ARHGAP35: variants seen among roughly 807,000 people sequenced by gnomAD.
ARHGAP35 encodes Rho GTPase activating protein 35.
A neutral mutation model predicts 111.1 loss-of-function variants in ARHGAP35; 15 were observed. The ratio of observed to expected loss-of-function variants is 0.13; its 90% CI spans 0.09 to 0.21. ARHGAP35 has a LOEUF of 0.21. Among genes scored for constraint, ARHGAP35 ranks in the 10% least tolerant of loss-of-function variants. The probability of loss-of-function intolerance (pLI) is 1.00; values close to 1 mark genes in which losing one functional copy is unlikely to be tolerated. For synonymous variants in ARHGAP35, 643 were observed against 710.3 expected, an observed-to-expected ratio of 0.91 and a Z score of 1.51; for missense variants, 1,262 against 1,873.0, an observed-to-expected ratio of 0.67 and a Z score of 6.02.
In ARHGAP35 at chr19:46,989,310, G is replaced by C; in HGVS notation, c.3905-234G>C. 1 of 453,476 alleles carries C rather than the reference G, an allele frequency of 2.2e-6. No homozygotes were observed. The allele number at this position is 453,476 out of a possible 1,614,324, so 28.1% of individuals were successfully genotyped here. On this transcript the variant is annotated intron_variant, in intron 4 of 6. Coordinates refer to ENST00000672722, the MANE Select transcript of ARHGAP35 (RefSeq NM_004491.5). This position sits in a 1 kb window ranked among gnomAD's most constrained non-coding sequence, Gnocchi z 5.3. ...CATGTGGGGGTAGCACCCCTGCCCC[G>C]AGAGTGGTAGAAGGGGCAGTTCAGC...
At chr19:46,868,945 A>C (rs1386106821) in intron 1 of ARHGAP35, among the ~76,000 whole-genome samples, 2 of 113,608 alleles carry the variant, frequency 1.8e-5, no homozygotes, top group Non-Finnish European at 3.2e-5. Context: ...TTGCTCTGTC[A>C]CTCAGGCTGG....
In ARHGAP35 at chr19:46,887,924, C is replaced by A. The variant is rs2056000426; in HGVS notation, c.-189+26715C>A. ...TCTGAGTTTGCCTGCTGAGTGGAAC[C>A]CTCATTGTGCTGGTACTTAGTACTT... On this transcript the variant is annotated intron_variant, in intron 1 of 6. Transcript: ENST00000672722. Among the ~76,000 whole-genome samples, 4 of 151,430 alleles carry A rather than the reference C, an allele frequency of 2.6e-5. No homozygotes were observed. In the South Asian group the frequency reaches 8.3e-4, roughly 32 times the overall value.
At chr19:46,923,241 A>G (rs1276401398) in intron 2 of ARHGAP35, among the ~76,000 whole-genome samples, 1 of 151,616 alleles carries the variant, frequency 6.6e-6, no homozygotes, top group African/African-American at 2.4e-5. Flanking sequence ...AGTAGCTGGG[A>G]CTACAGGCGC....
At position 47,003,675 on chromosome 19, in the gene ARHGAP35, G is replaced by T. The variant is rs1237589124; in HGVS notation, c.*2987G>T. 1 of 152,184 alleles carries T rather than the reference G, an allele frequency of 6.6e-6. No homozygotes were observed. The highest frequency in any genetic ancestry group is 2.1e-4 in the South Asian group (1 of 4,828). The allele number at this position is 152,184 out of a possible 1,614,324, so 9.4% of individuals were successfully genotyped here. A position where few individuals can be genotyped will look rare whatever the true frequency, so the allele number is the denominator to read the frequency against. ...GTCTCCGTGCTCTCCTGCCTCCACC[G>T]CCTTGGTTTTGCTTCCTGCTGGAGG... On this transcript the variant is annotated 3_prime_UTR_variant, in exon 7 of 7. Transcript: ENST00000672722.
chr19:46,949,829 C>T (rs542390462), intron 3 of ARHGAP35, among the ~76,000 whole-genome samples: 22 of 152,320 alleles, frequency 1.4e-4, no homozygotes, highest in African/African-American at 3.6e-4. Flanking sequence ...AGTGATCATT[C>T]GGTCAATGTT....
intron 3 of ARHGAP35, among the ~76,000 whole-genome samples, chr19:46,985,470 C>G (rs529283918): frequency 6.6e-6 from 1 of 152,204 alleles, no homozygotes; most frequent in Non-Finnish European, 1.5e-5. Context: ...GTGGCAGAGT[C>G]CCCGGACTCA....
At chr19:46,979,539 C>G (rs1221051776) in intron 3 of ARHGAP35, among the ~76,000 whole-genome samples, 1 of 152,200 alleles carries the variant, frequency 6.6e-6, no homozygotes, top group Non-Finnish European at 1.5e-5. Flanking sequence ...GGGCTCAGAG[C>G]AGGTCCAGAA....
At chr19:46,931,318 TA>T (rs2056271688) in intron 2 of ARHGAP35, among the ~76,000 whole-genome samples, 2 of 152,216 alleles carry the variant, frequency 1.3e-5, no homozygotes, top group African/African-American at 4.8e-5. Context: ...TCCCAGCTGA[TA>T]GAAGGCCCTT....
chr19:46,950,894 G>A (rs2056408599), intron 3 of ARHGAP35, among the ~76,000 whole-genome samples: 1 of 152,250 alleles, frequency 6.6e-6, no homozygotes, highest in Admixed American at 6.5e-5. Flanking sequence ...ACACCTAGCA[G>A]TGAGACAAGT....
rs975273607 is a variant in ARHGAP35, at chr19:46,994,453, C to T, written c.4036+4778C>T. 6.6e-6 allele frequency among the ~76,000 whole-genome samples: 1 copy of T among 152,202 alleles called. No homozygotes were observed. The highest frequency in any genetic ancestry group is 6.5e-5 in the Admixed American group (1 of 15,286). The stretch of plus-strand genomic sequence containing the variant: ...GGCTGGGCTGGCTCTTGGCCACCAG[C>T]TTGTTCCCCAGGCCTCTGGCTTGGA... On this transcript the variant is annotated intron_variant, in intron 5 of 6. Coordinates refer to ENST00000672722, the MANE Select transcript of ARHGAP35 (RefSeq NM_004491.5). The surrounding 1 kb of genome is among the most constrained non-coding windows in gnomAD (Gnocchi z 5.4).
Position 46,982,409 on chromosome 19 carries a change from G to A in ARHGAP35, c.3827-5580G>A, listed in dbSNP as rs376269785. Among the ~76,000 whole-genome samples the A allele has an allele frequency of 3.6e-4, 54 of 151,932 alleles. 2 individuals are homozygous for A. The South Asian group carries it at 0.011, about 30-fold the overall frequency. On this transcript the variant is annotated intron_variant, in intron 3 of 6. Coordinates refer to ENST00000672722, the MANE Select transcript of ARHGAP35 (RefSeq NM_004491.5). ...TGAGAATCGCTTGAACCCAGGAGGC[G>A]GAGGTTGCAGTGAGCCGAGATTGAG...
chr19:46,862,318 T>G (rs1244915256), intron 1 of ARHGAP35, among the ~76,000 whole-genome samples: 2 of 152,186 alleles, frequency 1.3e-5, no homozygotes, highest in Admixed American at 1.3e-4. Context: ...GTTTCCTCTC[T>G]TCCCCACCTC....
intron 3 of ARHGAP35, among the ~76,000 whole-genome samples, chr19:46,976,775 T>C (rs1201382606): frequency 6.6e-6 from 1 of 152,204 alleles, no homozygotes; most frequent in Admixed American, 6.5e-5. Context: ...TGCAGGACCT[T>C]CTCGGGCCCT....
At chr19:46,873,789 C>T (rs896458139) in intron 1 of ARHGAP35, among the ~76,000 whole-genome samples, 8 of 151,318 alleles carry the variant, frequency 5.3e-5, no homozygotes, top group Non-Finnish European at 1.2e-4. Context: ...GCCCTTGTTG[C>T]CCAGGCTGGC....
intron 1 of ARHGAP35, among the ~76,000 whole-genome samples, chr19:46,879,627 T>TAAATAA (rs2122132279): frequency 1.1e-5 from 1 of 87,600 alleles, no homozygotes; most frequent in Non-Finnish European, 2.6e-5. Flanking sequence ...AAAATAAAAA[T>TAAATAA]ACAAAAATTA....
rs1437494238 is a variant in ARHGAP35, at chr19:46,937,393, T to C, written c.3811T>C (p.Tyr1271His). ...CATTTTTATTGAAAGATGTATTGAG[T>C]ACATTGAAGCCACAGGTAAGAGTAT... is the stretch of plus-strand genomic sequence containing the variant. ...IPIFIERCIE[Y>H]IEATGLSTEG... is the part of the protein sequence containing the mutation. Residue 1271 changes from tyrosine (Y) to histidine (H), a missense_variant, in exon 3 of 7, where the codon TAC becomes CAC. Physicochemically the swap from Tyr to His is moderately conservative, Grantham distance 83 (BLOSUM62 2). Transcript: ENST00000672722. 1 of 1,613,918 alleles carries C rather than the reference T, an allele frequency of 6.2e-7. No homozygotes were observed. The highest frequency in any genetic ancestry group is 2.2e-5 in the East Asian group (1 of 44,884).
At position 46,920,358 on chromosome 19, in the gene ARHGAP35, C is replaced by T. The variant is rs780486531; in HGVS notation, c.1683C>T (p.Ser561=). ...ACCCAACAAAGGAGACATGCCCCAG[C>T]TGCCCAGCTTGTGTGGACGCTAAGA... ...VYHPTKETCP[S]CPACVDAKIE... is the part of the protein sequence containing the mutation. The change falls in exon 2 of 7, where the codon AGC becomes AGT. Residue 561 remains serine, a synonymous_variant. Transcript: ENST00000672722. The surrounding 1 kb of genome is among the most constrained non-coding windows in gnomAD (Gnocchi z 7.0). The T allele has an allele frequency of 6.2e-7, 1 of 1,613,900 alleles. No homozygotes were observed. Among genetic ancestry groups the T allele is most frequent in the African/African-American group, 1.3e-5 (1 of 74,930 alleles).
At chr19:46,949,244 A>T (rs2056398669) in intron 3 of ARHGAP35, 1 of 152,236 alleles carries the variant, frequency 6.6e-6, no homozygotes, top group African/African-American at 2.4e-5. Flanking sequence ...GTTGATTTTT[A>T]AAAACAAAAC....
intron 3 of ARHGAP35, among the ~76,000 whole-genome samples, chr19:46,953,454 G>C (rs1024759405): frequency 1.3e-5 from 2 of 152,182 alleles, no homozygotes; most frequent in Admixed American, 6.5e-5. Context: ...ACATTCCTGG[G>C]AAAGAGCTTG....
Sources: allele counts gnomAD v4.1 joint callset (sites outside exome capture counted in the v4.1 genomes callset), GRCh38; gene constraint gnomAD v4.1.1; non-coding constraint Gnocchi (gnomAD v3.1); transcripts MANE v1.5; gene names NCBI Gene and HGNC (gene_info 2026-07-23, HGNC 2026-07-21).